KDM1A: variants seen among roughly 807,000 people sequenced by gnomAD.
The protein encoded by KDM1A is lysine-specific histone demethylase 1A.
A neutral mutation model predicts 109.4 loss-of-function variants in KDM1A; 49 were observed. The observed-to-expected ratio is 0.45, with a 90% CI of 0.36 to 0.57. The LOEUF (loss-of-function observed/expected upper bound fraction) is 0.57. Among genes scored for constraint, KDM1A ranks in the 20% least tolerant of loss-of-function variants. The pLI is 0.00. For synonymous variants in KDM1A, 380 were observed against 415.4 expected, an observed-to-expected ratio of 0.91 and a Z score of 1.04; for missense variants, 668 against 1,116.6, an observed-to-expected ratio of 0.60 and a Z score of 5.73.
intron 9 of KDM1A, among the ~76,000 whole-genome samples, chr1:23,065,544 T>C (rs1381186694): frequency 1.3e-5 from 2 of 152,204 alleles, no homozygotes; most frequent in Non-Finnish European, 2.9e-5. Flanking sequence ...ACTTGCAACA[T>C]TCCTGTAATT....
chr1:23,077,859 G>A (rs945788685), intron 16 of KDM1A, among the ~76,000 whole-genome samples: 5 of 152,114 alleles, frequency 3.3e-5, no homozygotes, highest in African/African-American at 7.2e-5. Flanking sequence ...GGGCTAATTC[G>A]CTTACGTTTG....
At chr1:23,077,012 T>C (rs960374410) in intron 15 of KDM1A, among the ~76,000 whole-genome samples, 1 of 151,832 alleles carries the variant, frequency 6.6e-6, no homozygotes, top group Non-Finnish European at 1.5e-5. Context: ...CTAATCTCAC[T>C]ACCCGAAGAT....
Position 23,024,559 on chromosome 1 carries a change from A to C in KDM1A, c.351+4612A>C, listed in dbSNP as rs570587249. On this transcript the variant is annotated intron_variant, in intron 1 of 20. Transcript: ENST00000400181. Reference sequence around the variant, plus strand: ...AGTTCATGTAATTGAGTGTCCCTGAAGCTTCAGTTTCATTAGTTTCAGAAT... The same window carrying C: ...AGTTCATGTAATTGAGTGTCCCTGACGCTTCAGTTTCATTAGTTTCAGAAT... Among the ~76,000 whole-genome samples, 7 of 152,344 alleles carry C rather than the reference A, an allele frequency of 4.6e-5. No individual in the cohort carries two copies. In the East Asian group the frequency reaches 1.3e-3, roughly 29 times the overall value.
At chr1:23,065,595 A>G (rs112460188) in intron 9 of KDM1A, among the ~76,000 whole-genome samples, 4 of 152,192 alleles carry the variant, frequency 2.6e-5, no homozygotes, top group African/African-American at 7.2e-5. Flanking sequence ...GTGGCTGACA[A>G]TCTCACATAA....
At chr1:23,050,314 A>T (rs1642628456) in intron 3 of KDM1A, 73 bp from the exon 4 acceptor site, 11 of 1,465,898 alleles carry the variant, frequency 7.5e-6, no homozygotes, top group Non-Finnish European at 9.1e-6. Context: ...GAGGCAAAGG[A>T]ATTTAAGCGT....
At chr1:23,077,775 A>G (rs1311566901) in intron 16 of KDM1A, among the ~76,000 whole-genome samples, 2 of 152,172 alleles carry the variant, frequency 1.3e-5, no homozygotes, top group African/African-American at 4.8e-5. Context: ...CCTGGGCTCC[A>G]CTAGGACCCA....
intron 9 of KDM1A, among the ~76,000 whole-genome samples, chr1:23,063,377 C>A (rs1643072978): frequency 6.6e-6 from 1 of 151,988 alleles, no homozygotes; most frequent in East Asian, 1.9e-4. Context: ...TAATGGGTGT[C>A]AGGTCTCTTA....
At chr1:23,077,032 T>G (rs1336900904) in intron 15 of KDM1A, among the ~76,000 whole-genome samples, 196 bp from the exon 16 acceptor site, 3 of 151,958 alleles carry the variant, frequency 2.0e-5, no homozygotes, top group Non-Finnish European at 2.9e-5. Flanking sequence ...TTTAGGGACA[T>G]TTTTTGGTGT....
intron 19 of KDM1A, 99 bp from the exon 20 acceptor site, chr1:23,082,121 C>G: frequency 7.6e-7 from 1 of 1,316,058 alleles, no homozygotes; most frequent in Non-Finnish European, 1.1e-6. Flanking sequence ...CCCTCTTTCT[C>G]TTCACTTGCA....
chr1:23,026,358 T>G (rs943326797), intron 1 of KDM1A, among the ~76,000 whole-genome samples: 1 of 149,862 alleles, frequency 6.7e-6, no homozygotes, highest in Non-Finnish European at 1.5e-5. Context: ...AAAAGTTTTG[T>G]TTTTTTGTGT....
intron 9 of KDM1A, among the ~76,000 whole-genome samples, chr1:23,064,761 A>C (rs908774786): frequency 3.3e-5 from 5 of 152,228 alleles, no homozygotes; most frequent in African/African-American, 1.2e-4. Flanking sequence ...GGACACATTT[A>C]GAGACAGTCC....
intron 14 of KDM1A, among the ~76,000 whole-genome samples, chr1:23,072,776 G>A (rs1486857280): frequency 6.6e-6 from 1 of 152,142 alleles, no homozygotes; most frequent in Non-Finnish European, 1.5e-5. Context: ...CTCCTGAGTA[G>A]CTGGGATTAC....
intron 18 of KDM1A, 170 bp from the exon 19 acceptor site, chr1:23,081,274 AAG>A (rs1643613619): frequency 1.4e-6 from 1 of 704,960 alleles, no homozygotes; most frequent in Non-Finnish European, 2.3e-6. Context: ...TCTGGCGACA[AAG>A]AGTTCTGTAT....
chr1:23,080,721 AC>A (rs1211664514), intron 18 of KDM1A, among the ~76,000 whole-genome samples: 1 of 151,658 alleles, frequency 6.6e-6, no homozygotes, highest in Non-Finnish European at 1.5e-5. Flanking sequence ...CACCCCCTCG[AC>A]CCCCTTCCTT....
chr1:23,072,231 AG>A, intron 14 of KDM1A, 34 bp downstream of exon 14: 1 of 1,460,074 alleles, frequency 6.8e-7, no homozygotes, highest in Non-Finnish European at 9.6e-7. Context: ...TCAGAGGGAG[AG>A]CTTTTACTGT....
In KDM1A at chr1:23,072,214, C is replaced by A. The variant is rs1643340870; in HGVS notation, c.1622+17C>A. On this transcript the variant is annotated intron_variant, in intron 14 of 20. Transcript: ENST00000400181. Reference sequence around the variant, plus strand: ...TCCCCCAAGGTAAGGAAAACAAACACAAAAGTTCAGAGGGAGAGCTTTTAC... The same window carrying A: ...TCCCCCAAGGTAAGGAAAACAAACAAAAAAGTTCAGAGGGAGAGCTTTTAC... 6.3e-7 allele frequency: 1 copy of A among 1,585,886 alleles called. No homozygotes were observed. Among genetic ancestry groups the A allele is most frequent in the Non-Finnish European group, 8.6e-7 (1 of 1,157,298 alleles).
intron 18 of KDM1A, among the ~76,000 whole-genome samples, chr1:23,080,099 G>A (rs1213316998): frequency 6.6e-6 from 1 of 152,194 alleles, no homozygotes; most frequent in Non-Finnish European, 1.5e-5. Context: ...GGACTTAACT[G>A]TATGTAGACT....
rs1192326343 is a variant in KDM1A, at chr1:23,021,509, A to G, written c.351+1562A>G. ...AAACCCCCGTCTCTACTAAAAATAC[A>G]AAAAATTAGCCGGGCGTGGTGGCGG... On this transcript the variant is annotated intron_variant, in intron 1 of 20. Coordinates refer to ENST00000400181, the MANE Select transcript of KDM1A (RefSeq NM_001009999.3). Among the ~76,000 whole-genome samples the G allele has an allele frequency of 2.6e-5, 4 of 152,146 alleles. No individual in the cohort carries two copies. The East Asian group carries it at 5.8e-4, about 22-fold the overall frequency.
chr1:23,073,786 TAGTTTTTGAGATGTGCATGA>T (rs1643385912), intron 15 of KDM1A, among the ~76,000 whole-genome samples: 3 of 152,228 alleles, frequency 2.0e-5, no homozygotes, highest in African/African-American at 4.8e-5. Context: ...TCACTTAGTA[TAGTTTTTGAGATGTGCATGA>T]AGTTTTTGAG....
Sources: allele counts gnomAD v4.1 joint callset (sites outside exome capture counted in the v4.1 genomes callset), GRCh38; gene constraint gnomAD v4.1.1; transcripts MANE v1.5; gene names NCBI Gene and HGNC (gene_info 2026-07-23, HGNC 2026-07-21).